Variants in NAA15 observed in about 807,000 individuals in gnomAD.
NAA15 encodes N-terminal acetyltransferase.
In NAA15, 34 loss-of-function variants were observed where a neutral mutation model predicts 114.0. The observed-to-expected ratio is 0.30, with a 90% CI of 0.23 to 0.40. The LOEUF (loss-of-function observed/expected upper bound fraction) is 0.40. Among genes scored for constraint, NAA15 ranks in the 10% least tolerant of loss-of-function variants. The pLI is 1.00. For synonymous variants in NAA15, 340 were observed against 338.0 expected (o/e 1.01, Z -0.06); for missense variants, 658 against 1,004.5 (o/e 0.66, Z 4.66).
At chr4:139,378,658 C>T (rs531876177) in intron 16 of NAA15, 98 bp from the exon 17 acceptor site, 14 of 607,018 alleles carry the variant, frequency 2.3e-5, no homozygotes, top group East Asian at 6.5e-5. Flanking sequence ...CTGATGTGAT[C>T]GACTCTAAAT....
chr4:139,347,054 C>T (rs79131373), intron 6 of NAA15, among the ~76,000 whole-genome samples: 42 of 151,972 alleles, frequency 2.8e-4, no homozygotes, highest in African/African-American at 8.9e-4. Flanking sequence ...ACTACAGGTG[C>T]GAACCATCGT....
chr4:139,313,887 G>A (rs926046776), intron 1 of NAA15, among the ~76,000 whole-genome samples: 3 of 151,626 alleles, frequency 2.0e-5, no homozygotes, highest in African/African-American at 4.9e-5. Flanking sequence ...CCACTGTATC[G>A]GGACATGGAG....
rs1470377370 is a variant in NAA15 at position 139,340,902 on chromosome 4, A to T, written c.245-10A>T. On this transcript the variant is annotated splice_polypyrimidine_tract_variant and intron_variant, in intron 3 of 19. Coordinates refer to ENST00000296543, the MANE Select transcript of NAA15 (RefSeq NM_057175.5). ...GACTTGTAGGTTGTACCCTTAACTA[A>T]ATTCTTTAGGTTGGCACGTTTATGG... 1 of 1,529,156 alleles carries T rather than the reference A, an allele frequency of 6.5e-7. No homozygotes were observed. The highest frequency in any genetic ancestry group is 8.8e-7 in the Non-Finnish European group (1 of 1,142,354). The allele number at this position is 1,529,156 out of a possible 1,614,324, so 94.7% of individuals were successfully genotyped here. A position where few individuals can be genotyped will look rare whatever the true frequency, so the allele number is the denominator to read the frequency against.
At chr4:139,358,137 A>G (rs1486504075) in intron 11 of NAA15, among the ~76,000 whole-genome samples, 6 of 152,116 alleles carry the variant, frequency 3.9e-5, no homozygotes, top group Admixed American at 3.9e-4. Context: ...GTTTAGCAAG[A>G]AAATAATGAA....
intron 9 of NAA15, among the ~76,000 whole-genome samples, chr4:139,353,713 A>G (rs578020566): frequency 6.6e-6 from 1 of 152,338 alleles, no homozygotes; most frequent in South Asian, 2.1e-4. Context: ...GTTCATTTAT[A>G]CAAACTTTGT....
chr4:139,308,751 G>A (rs910549351), intron 1 of NAA15, among the ~76,000 whole-genome samples: 1 of 152,052 alleles, frequency 6.6e-6, no homozygotes, highest in African/African-American at 2.4e-5. Context: ...CAGTAGCTGG[G>A]ATTACAGGTG....
At chr4:139,306,395 A>AT (rs34609180) in intron 1 of NAA15, among the ~76,000 whole-genome samples, 33,746 of 147,534 alleles carry the variant, frequency 0.23, 4,208 homozygotes, top group African/African-American at 0.35. Flanking sequence ...CACTCGGCTA[A>AT]TTTTTTTTTT....
At chr4:139,310,175 C>T (rs548149438) in intron 1 of NAA15, among the ~76,000 whole-genome samples, 1 of 152,236 alleles carries the variant, frequency 6.6e-6, no homozygotes, top group South Asian at 2.1e-4. Context: ...CATTTTTGGG[C>T]CGGGCGCGGT....
chr4:139,351,539 A>C lies in NAA15; in HGVS notation c.942A>C (p.Leu314=). Residue 314 remains leucine, a synonymous_variant, in exon 9 of 20, where the codon CTA becomes CTC. Transcript: ENST00000296543. ...EKFKECLDKF[L]RMNFSKGCPP... Reference sequence around the variant, plus strand: ...TTAAAGAATGTTTGGATAAGTTCCTAAGGATGAATTTCAGCAAGGGTTGCC... The same window carrying C: ...TTAAAGAATGTTTGGATAAGTTCCTCAGGATGAATTTCAGCAAGGGTTGCC... 6.2e-7 allele frequency: 1 copy of C among 1,605,902 alleles called. No individual in the cohort carries two copies. The highest frequency in any genetic ancestry group is 8.5e-7 in the Non-Finnish European group (1 of 1,172,816).
intron 8 of NAA15, 73 bp from the exon 9 acceptor site, chr4:139,351,432 T>C: frequency 2.7e-6 from 3 of 1,105,584 alleles, no homozygotes; most frequent in Non-Finnish European, 4.1e-6. Context: ...AGTTGGTAAA[T>C]GTAAGTAAAT....
At chr4:139,327,309 G>A (rs1746834982) in intron 1 of NAA15, among the ~76,000 whole-genome samples, 1 of 152,184 alleles carries the variant, frequency 6.6e-6, no homozygotes, top group African/African-American at 2.4e-5. Flanking sequence ...GAGTACAGTG[G>A]TGCAATTTCT....
intron 15 of NAA15, among the ~76,000 whole-genome samples, chr4:139,370,779 T>G (rs181979831): frequency 6.6e-6 from 1 of 152,336 alleles, no homozygotes; most frequent in African/African-American, 2.4e-5. Flanking sequence ...TATTTAGGAC[T>G]GGAGAAAATA....
chr4:139,365,019 T>A (rs1271543138), intron 14 of NAA15, among the ~76,000 whole-genome samples: 1 of 152,126 alleles, frequency 6.6e-6, no homozygotes, highest in Non-Finnish European at 1.5e-5. Context: ...CTAATAATGC[T>A]TCATGATAAA....
chr4:139,328,874 T>G (rs1377650473), intron 1 of NAA15, among the ~76,000 whole-genome samples: 1 of 144,944 alleles, frequency 6.9e-6, no homozygotes, highest in African/African-American at 2.6e-5. Context: ...CCTTCTTTTT[T>G]TTTTTCCTCA....
At chr4:139,306,577 GTTT>G (rs541184787) in intron 1 of NAA15, among the ~76,000 whole-genome samples, 1 of 137,838 alleles carries the variant, frequency 7.3e-6, no homozygotes, top group Admixed American at 7.3e-5. Context: ...CCAGAAGCTG[GTTT>G]TTTTTTTTTT....
intron 1 of NAA15, among the ~76,000 whole-genome samples, chr4:139,318,884 A>G (rs113998058): frequency 2.0e-3 from 308 of 152,312 alleles, no homozygotes; most frequent in Non-Finnish European, 3.1e-3. Context: ...TCATATAAGT[A>G]ACAGCTAAAA....
At chr4:139,348,444 C>A (rs1399756733) in intron 6 of NAA15, among the ~76,000 whole-genome samples, 1 of 133,794 alleles carries the variant, frequency 7.5e-6, no homozygotes, top group African/African-American at 2.9e-5. Flanking sequence ...CAGAGCAAGA[C>A]TGTATCACAA....
At chr4:139,359,613 T>C in intron 11 of NAA15, 130 bp from the exon 12 acceptor site, 2 of 768,792 alleles carry the variant, frequency 2.6e-6, no homozygotes, top group Non-Finnish European at 4.0e-6. Flanking sequence ...TTTATATTGA[T>C]TAGCATCTAA....
At chr4:139,313,754 C>G (rs1455186349) in intron 1 of NAA15, among the ~76,000 whole-genome samples, 2 of 151,690 alleles carry the variant, frequency 1.3e-5, no homozygotes, top group African/African-American at 4.9e-5. Flanking sequence ...ATTGGCTGGC[C>G]TCTAACTCCT....
Sources: gnomAD v4.1 joint callset for allele counts (sites outside exome capture counted in the v4.1 genomes callset) on GRCh38, gnomAD v4.1.1 for gene constraint, MANE v1.5 for transcripts, NCBI Gene and HGNC (gene_info 2026-07-23, HGNC 2026-07-21) for gene names.